Variants in PREP observed in about 807,000 individuals in gnomAD.
The protein encoded by PREP is dJ355L5.1 (prolyl endopeptidase).
Under a neutral mutation model 87.6 loss-of-function variants are expected in PREP, and 29 were observed. That is an observed-to-expected ratio of 0.33 (90% CI 0.25 to 0.45). The LOEUF is 0.45. Among genes scored for constraint, PREP ranks in the 20% least tolerant of loss-of-function variants. PREP has a pLI of 1.00. For synonymous variants in PREP, 337 were observed against 328.6 expected (o/e 1.03, Z -0.28); for missense variants, 695 against 886.5 (o/e 0.78, Z 2.74).
intron 8 of PREP, among the ~76,000 whole-genome samples, chr6:105,332,326 C>G (rs1485797331): frequency 6.6e-6 from 1 of 152,098 alleles, no homozygotes; most frequent in East Asian, 1.9e-4. Context: ...GTTTAAATAC[C>G]TTCCAGGCAC....
At chr6:105,315,583 GAACTTTGGAACTTTGA>G (rs886287833) in intron 10 of PREP, among the ~76,000 whole-genome samples, 3 of 152,132 alleles carry the variant, frequency 2.0e-5, no homozygotes, top group African/African-American at 4.8e-5. Context: ...CTGTCCTTTG[GAACTTTGGAACTTTGA>G]AACTTTGGAA....
intron 6 of PREP, among the ~76,000 whole-genome samples, chr6:105,355,665 G>A (rs1006407961): frequency 6.6e-6 from 1 of 152,128 alleles, no homozygotes; most frequent in African/African-American, 2.4e-5. Flanking sequence ...TTGGCCACTT[G>A]TGTCTCATGT....
chr6:105,362,253 G>T (rs866712907), intron 6 of PREP, among the ~76,000 whole-genome samples: 12 of 152,158 alleles, frequency 7.9e-5, no homozygotes, highest in Non-Finnish European at 1.8e-4. Context: ...TTGAGGTGAG[G>T]AGTTCAGGAC....
chr6:105,291,324 T>C (rs111752937), intron 10 of PREP, among the ~76,000 whole-genome samples: 5,049 of 152,256 alleles, frequency 0.033, 268 homozygotes, highest in African/African-American at 0.11. Context: ...AGGATTTCTC[T>C]GTAGCATGCA....
intron 7 of PREP, among the ~76,000 whole-genome samples, chr6:105,338,895 C>G (rs57573935): frequency 0.028 from 4,210 of 152,300 alleles, 195 homozygotes; most frequent in African/African-American, 0.096. Flanking sequence ...CTGGGTAACT[C>G]AAACTGGGTA....
intron 7 of PREP, among the ~76,000 whole-genome samples, chr6:105,352,540 A>G (rs1015246211): frequency 2.6e-5 from 4 of 152,200 alleles, no homozygotes; most frequent in Admixed American, 6.5e-5. Flanking sequence ...TTTTAAAGAC[A>G]GGGTCTGGCT....
In PREP at chr6:105,362,103, T is replaced by C. The variant is rs1436411395; in HGVS notation, c.717+6800A>G. Among the ~76,000 whole-genome samples the C allele has an allele frequency of 2.0e-5, 3 of 152,218 alleles. No individual in the cohort carries two copies. The East Asian group carries it at 5.8e-4, about 29-fold the overall frequency. On this transcript the variant is annotated intron_variant, in intron 6 of 14. Coordinates refer to ENST00000652536, the MANE Select transcript of PREP (RefSeq NM_002726.5). ...AAAATAAATAATGTAGGACTTGACA[T>C]GATATAGGCACTACTGTTTCTAAGT...
At chr6:105,382,312 C>CACACAA (rs1463911418) in intron 2 of PREP, among the ~76,000 whole-genome samples, 11 of 144,820 alleles carry the variant, frequency 7.6e-5, no homozygotes, top group African/African-American at 2.9e-4. Flanking sequence ...CACACACACA[C>CACACAA]AAAGTATGTG....
chr6:105,292,758 T>C (rs185432823), intron 10 of PREP, among the ~76,000 whole-genome samples: 1 of 152,352 alleles, frequency 6.6e-6, no homozygotes, highest in East Asian at 1.9e-4. Flanking sequence ...GTTTAGTGTA[T>C]CCACCTTCAA....
At chr6:105,389,190 C>T (rs1773077970) in intron 2 of PREP, among the ~76,000 whole-genome samples, 1 of 152,238 alleles carries the variant, frequency 6.6e-6, no homozygotes, top group South Asian at 2.1e-4. Flanking sequence ...CTTCGTTTGA[C>T]TGGAGCTTTG....
At chr6:105,383,717 T>C (rs1772911007) in intron 2 of PREP, among the ~76,000 whole-genome samples, 1 of 152,068 alleles carries the variant, frequency 6.6e-6, no homozygotes, top group Non-Finnish European at 1.5e-5. Context: ...TGGGACTAGT[T>C]ACTATCAATT....
At chr6:105,352,376 T>C (rs565718799) in intron 7 of PREP, among the ~76,000 whole-genome samples, 1 of 152,332 alleles carries the variant, frequency 6.6e-6, no homozygotes, top group South Asian at 2.1e-4. Context: ...GGTTCTATGC[T>C]TATCATGATA....
intron 9 of PREP, among the ~76,000 whole-genome samples, chr6:105,324,991 A>G (rs952820361): frequency 3.9e-5 from 6 of 152,206 alleles, no homozygotes; most frequent in Non-Finnish European, 8.8e-5. Flanking sequence ...TTATGCTTGG[A>G]TATTTGTTAG....
intron 6 of PREP, among the ~76,000 whole-genome samples, chr6:105,358,553 AT>A (rs2114690859): frequency 6.6e-6 from 1 of 152,252 alleles, no homozygotes; most frequent in African/African-American, 2.4e-5. Context: ...TAAGCCTTTC[AT>A]TTTCTATAAG....
In PREP at chr6:105,368,891, G is replaced by A; in HGVS notation, c.717+12C>T. ...CAGTCTTTGGGGGTAAAATTTCACA[G>A]CTGTACAATACCTCAGCTCCACCCA... On this transcript the variant is annotated intron_variant, in intron 6 of 14. Coordinates refer to ENST00000652536, the MANE Select transcript of PREP (RefSeq NM_002726.5). 1.2e-6 allele frequency: 2 copies of A among 1,613,434 alleles called. No individual in the cohort carries two copies. Among genetic ancestry groups the A allele is most frequent in the Non-Finnish European group, 1.7e-6 (2 of 1,179,632 alleles).
At chr6:105,383,574 G>C (rs370720021) in intron 2 of PREP, among the ~76,000 whole-genome samples, 1 of 152,092 alleles carries the variant, frequency 6.6e-6, no homozygotes, top group Non-Finnish European at 1.5e-5. Flanking sequence ...ATCTGCTCTT[G>C]GGTGAAAAGG....
rs1769996179 is a variant in PREP at position 105,278,400 on chromosome 6, T to C, written c.1877A>G (p.Asp626Gly). 1 of 1,613,802 alleles carries C rather than the reference T, an allele frequency of 6.2e-7. No homozygotes were observed. Among genetic ancestry groups the C allele is most frequent in the African/African-American group, 1.3e-5 (1 of 74,934 alleles). Residue 626 changes from aspartate to glycine, a missense_variant, in exon 15 of 15, where the codon GAT becomes GGT. Physicochemically the swap from Asp to Gly is moderately conservative, Grantham distance 94. Coordinates refer to ENST00000652536, the MANE Select transcript of PREP (RefSeq NM_002726.5). This position sits in a 1 kb window ranked among gnomAD's most constrained non-coding sequence, Gnocchi z 4.2. ...CAGCATGGACGGGTACTGGATGTCA[T>C]CTGCTTCTGGTAACTTCACATTATG... ...PLHNVKLPEA[D>G]DIQYPSMLLL...
At chr6:105,384,773 C>G (rs1772940180) in intron 2 of PREP, among the ~76,000 whole-genome samples, 1 of 152,154 alleles carries the variant, frequency 6.6e-6, no homozygotes, top group African/African-American at 2.4e-5. Context: ...CTGTGAGAAA[C>G]CCAAAGAGAC....
At position 105,282,013 on chromosome 6, in the gene PREP, C is replaced by T. The variant is rs942361451; in HGVS notation, c.1682-111G>A. 1.2e-5 allele frequency: 16 copies of T among 1,309,016 alleles called. No homozygotes were observed. In the African/African-American group the frequency reaches 2.4e-4, roughly 20 times the overall value. The allele number at this position is 1,309,016 out of a possible 1,614,324, so 81.1% of individuals were successfully genotyped here. ...CTTCCAGAGCCCTGGTTGCATTTAT[C>T]CAGAGCACAAGAGGAAACCATCAGA... On this transcript the variant is annotated intron_variant, in intron 13 of 14. Coordinates refer to ENST00000652536, the MANE Select transcript of PREP (RefSeq NM_002726.5).
Sources: gnomAD v4.1 joint callset for allele counts (sites outside exome capture counted in the v4.1 genomes callset) on GRCh38, gnomAD v4.1.1 for gene constraint, Gnocchi (gnomAD v3.1) non-coding constraint, MANE v1.5 for transcripts, NCBI Gene and HGNC (gene_info 2026-07-23, HGNC 2026-07-21) for gene names.